PLCG1: variants seen among roughly 807,000 people sequenced by gnomAD.
PLCG1 encodes phospholipase C gamma 1.
In PLCG1, 71 loss-of-function variants were observed where a neutral mutation model predicts 177.8. The observed-to-expected ratio is 0.40, with a 90% CI of 0.33 to 0.49. The LOEUF is 0.49. Ranked by LOEUF, PLCG1 falls within the 20% of genes least tolerant of loss-of-function variation. The pLI is 0.72. For synonymous variants in PLCG1, 658 were observed against 647.9 expected, an observed-to-expected ratio of 1.02 and a Z score of -0.24; for missense variants, 1,281 against 1,709.0, an observed-to-expected ratio of 0.75 and a Z score of 4.42.
At position 41,165,944 on chromosome 20, in the gene PLCG1, C is replaced by T. The variant is rs35643759; in HGVS notation, c.1799+118C>T. 9.7e-3 allele frequency: 8,514 copies of T among 879,596 alleles called. 65 individuals are homozygous for T. The highest frequency in any genetic ancestry group is 0.012 in the Non-Finnish European group (6,722 of 577,206). The allele number at this position is 879,596 out of a possible 1,614,324, so 54.5% of individuals were successfully genotyped here. ...GATCCAGGACAATAATTAGGCTTTACATGGAACATAATTTCACCTACATAC... is the reference window on the plus strand; with the variant it reads ...GATCCAGGACAATAATTAGGCTTTATATGGAACATAATTTCACCTACATAC... On this transcript the variant is annotated intron_variant, in intron 16 of 31. Transcript: ENST00000685551. This position sits in a 1 kb window ranked among gnomAD's most constrained non-coding sequence, Gnocchi z 6.6.
At chr20:41,139,694 G>A (rs1161811368) in intron 1 of PLCG1, among the ~76,000 whole-genome samples, 1 of 152,174 alleles carries the variant, frequency 6.6e-6, no homozygotes, top group African/African-American at 2.4e-5. Context: ...AATATGAGCT[G>A]TTATTAGCAA....
intron 24 of PLCG1, among the ~76,000 whole-genome samples, chr20:41,171,102 TTGG>T (rs375540028): frequency 1.9e-4 from 29 of 152,330 alleles, no homozygotes; most frequent in African/African-American, 7.0e-4. Context: ...GAATTCCTAC[TTGG>T]TGGCCCTTTC....
At chr20:41,170,426 AAC>A (rs2035860069) in intron 24 of PLCG1, 157 bp downstream of exon 24, 1 of 679,760 alleles carries the variant, frequency 1.5e-6, no homozygotes, top group South Asian at 1.9e-5. Flanking sequence ...ATTGAGAAGA[AAC>A]AGACACATAA....
chr20:41,155,377 C>T (rs896647157), intron 1 of PLCG1, among the ~76,000 whole-genome samples: 6 of 152,312 alleles, frequency 3.9e-5, no homozygotes, highest in South Asian at 2.1e-4. Context: ...CTTCATCTTA[C>T]GATGAACCAG....
At position 41,160,481 on chromosome 20, in the gene PLCG1, C is replaced by T. The variant is rs2035460510; in HGVS notation, c.512+328C>T. Among the ~76,000 whole-genome samples the T allele has an allele frequency of 6.6e-6, 1 of 152,124 alleles. No homozygotes were observed. Among genetic ancestry groups the T allele is most frequent in the African/African-American group, 2.4e-5 (1 of 41,400 alleles). On this transcript the variant is annotated intron_variant, in intron 4 of 31. Coordinates refer to ENST00000685551, the MANE Select transcript of PLCG1 (RefSeq NM_002660.3). The surrounding 1 kb of genome is among the most constrained non-coding windows in gnomAD (Gnocchi z 5.5). The stretch of plus-strand genomic sequence containing the variant: ...GTGCCCTGAAACTCTGGCTCTGAGA[C>T]CTGGTATGGCAGCCAGAGGGGCCAA...
chr20:41,141,005 C>G (rs1437237845), intron 1 of PLCG1, among the ~76,000 whole-genome samples: 2 of 152,174 alleles, frequency 1.3e-5, no homozygotes, highest in Admixed American at 6.5e-5. Flanking sequence ...TGTGCTCAGA[C>G]CATGCATTAC....
chr20:41,176,555 T>G lies in PLCG1; in HGVS notation c.*2046T>G, dbSNP rs2036070462. On this transcript the variant is annotated 3_prime_UTR_variant, in exon 32 of 32. Transcript: ENST00000685551. ...GACCCTTTTAGTTTTCATCAATACG[T>G]ATCTCTATTTGCTGAACAAGTGTCT... 6.6e-6 allele frequency: 1 copy of G among 152,248 alleles called. No homozygotes were observed. Among genetic ancestry groups the G allele is most frequent in the Non-Finnish European group, 1.5e-5 (1 of 68,046 alleles). 9.4% of individuals were successfully genotyped at this position (152,248 alleles called of 1,614,324 possible).
At chr20:41,145,776 G>A (rs2034978068) in intron 1 of PLCG1, among the ~76,000 whole-genome samples, 2 of 152,202 alleles carry the variant, frequency 1.3e-5, no homozygotes, top group Non-Finnish European at 2.9e-5. Context: ...GGGGACAGTG[G>A]AGTTGGTTGC....
In PLCG1 at chr20:41,172,222, G is replaced by A. The variant is rs1400850788; in HGVS notation, c.2838G>A (p.Arg946=). 5 of 1,613,980 alleles carry A rather than the reference G, an allele frequency of 3.1e-6. No homozygotes were observed. Among genetic ancestry groups the A allele is most frequent in the East Asian group, 4.5e-5 (2 of 44,890 alleles). The change falls in exon 25 of 32, where the codon AGG becomes AGA. Residue 946 remains arginine (R), a synonymous_variant. Coordinates refer to ENST00000685551, the MANE Select transcript of PLCG1 (RefSeq NM_002660.3). This position sits in a 1 kb window ranked among gnomAD's most constrained non-coding sequence, Gnocchi z 7.0. ...CTGAAGGGAAGATAATGGAACGGAG[G>A]AAGAAGATTGCCCTGGAGCTCTCTG... is the stretch of plus-strand genomic sequence containing the variant. ...RLTEGKIMER[R]KKIALELSEL... is the part of the protein sequence containing the mutation.
In PLCG1 at chr20:41,159,456, T is replaced by G; in HGVS notation, c.218-150T>G. The G allele has an allele frequency of 1.4e-6, 1 of 726,282 alleles. No homozygotes were observed. Among genetic ancestry groups the G allele is most frequent in the South Asian group, 1.9e-5 (1 of 52,726 alleles). 45.0% of individuals were successfully genotyped at this position (726,282 alleles called of 1,614,324 possible). On this transcript the variant is annotated intron_variant, in intron 1 of 31. Transcript: ENST00000685551. This position sits in a 1 kb window ranked among gnomAD's most constrained non-coding sequence, Gnocchi z 6.0. ...TATCCCTAGACTCAACCCAGCCCTCTTATTACCAGAGTGACTGAGTGGTCT... is the reference window on the plus strand; with the variant it reads ...TATCCCTAGACTCAACCCAGCCCTCGTATTACCAGAGTGACTGAGTGGTCT...
rs888138405 is a variant in PLCG1, at chr20:41,163,543, C to A, written c.891+64C>A. On this transcript the variant is annotated intron_variant, in intron 9 of 31. Coordinates refer to ENST00000685551, the MANE Select transcript of PLCG1 (RefSeq NM_002660.3). The surrounding 1 kb of genome is among the most constrained non-coding windows in gnomAD (Gnocchi z 5.2). Reference sequence around the variant, plus strand: ...GAGTAGGGGTGACCAGGACCCCACCCGGGCTCCAGGAGCTAGACGCTCCTT... The same window carrying A: ...GAGTAGGGGTGACCAGGACCCCACCAGGGCTCCAGGAGCTAGACGCTCCTT... 2 of 1,268,100 alleles carry A rather than the reference C, an allele frequency of 1.6e-6. No individual in the cohort carries two copies. Among genetic ancestry groups the A allele is most frequent in the Non-Finnish European group, 2.3e-6 (2 of 869,750 alleles). 78.6% of individuals were successfully genotyped at this position (1,268,100 alleles called of 1,614,324 possible). A position where few individuals can be genotyped will look rare whatever the true frequency, so the allele number is the denominator to read the frequency against.
chr20:41,163,313 G>A lies in PLCG1; in HGVS notation c.789+38G>A. 1 of 1,595,864 alleles carries A rather than the reference G, an allele frequency of 6.3e-7. No individual in the cohort carries two copies. On this transcript the variant is annotated intron_variant, in intron 8 of 31. Coordinates refer to ENST00000685551, the MANE Select transcript of PLCG1 (RefSeq NM_002660.3). This position sits in a 1 kb window ranked among gnomAD's most constrained non-coding sequence, Gnocchi z 5.2. ...TGACATTGGCCCAGGCTGGTAGGTT[G>A]TGGGGGGCTGGGCTCATCCCTGACT...
intron 1 of PLCG1, among the ~76,000 whole-genome samples, chr20:41,149,708 G>A (rs1014470860): frequency 1.3e-5 from 2 of 152,196 alleles, no homozygotes; most frequent in African/African-American, 2.4e-5. Flanking sequence ...AGAAGGCAGA[G>A]CACCGGAAGA....
intron 21 of PLCG1, 79 bp downstream of exon 21, chr20:41,168,949 G>A: frequency 8.6e-7 from 1 of 1,157,954 alleles, no homozygotes; most frequent in Admixed American, 1.7e-5. Flanking sequence ...TTTGTGATGT[G>A]CTTGTCTCCT....
intron 1 of PLCG1, among the ~76,000 whole-genome samples, chr20:41,143,964 C>T (rs965920739): frequency 7.2e-5 from 11 of 152,220 alleles, no homozygotes; most frequent in African/African-American, 2.2e-4. Flanking sequence ...CCACTAAGCT[C>T]GGCCACAAGT....
rs970472987 is a variant in PLCG1 at position 41,159,468 on chromosome 20, T to A, written c.218-138T>A. The A allele has an allele frequency of 1.6e-5, 12 of 772,800 alleles. No individual in the cohort carries two copies. In the African/African-American group the frequency reaches 1.9e-4, roughly 12 times the overall value. 47.9% of individuals were successfully genotyped at this position (772,800 alleles called of 1,614,324 possible). A position where few individuals can be genotyped will look rare whatever the true frequency, so the allele number is the denominator to read the frequency against. ...CAACCCAGCCCTCTTATTACCAGAG[T>A]GACTGAGTGGTCTTGGCTCTGCCTC... On this transcript the variant is annotated intron_variant, in intron 1 of 31. Coordinates refer to ENST00000685551, the MANE Select transcript of PLCG1 (RefSeq NM_002660.3). This position sits in a 1 kb window ranked among gnomAD's most constrained non-coding sequence, Gnocchi z 6.0.
intron 22 of PLCG1, 58 bp downstream of exon 22, chr20:41,169,233 G>C: frequency 7.7e-7 from 1 of 1,297,388 alleles, no homozygotes; most frequent in South Asian, 1.2e-5. Flanking sequence ...TCCTTGGCAT[G>C]CCCCCATCAC....
At chr20:41,158,910 A>G (rs1262894941) in intron 1 of PLCG1, among the ~76,000 whole-genome samples, 9 of 152,366 alleles carry the variant, frequency 5.9e-5, no homozygotes, top group East Asian at 3.9e-4. Context: ...AGGGCAGGTC[A>G]TCTGCTATTC....
chr20:41,138,116 A>G (rs2034667116), intron 1 of PLCG1: 1 of 328,778 alleles, frequency 3.0e-6, no homozygotes, highest in Non-Finnish European at 5.5e-6. Flanking sequence ...CCTGAGGCCT[A>G]AAAATCCTCG....
Sources: gnomAD v4.1 joint callset for allele counts (sites outside exome capture counted in the v4.1 genomes callset) on GRCh38, gnomAD v4.1.1 for gene constraint, Gnocchi (gnomAD v3.1) non-coding constraint, MANE v1.5 for transcripts, NCBI Gene and HGNC (gene_info 2026-07-23, HGNC 2026-07-21) for gene names.